PCLO: variants seen among roughly 807,000 people sequenced by gnomAD.
PCLO encodes the protein protein piccolo.
Under a neutral mutation model 427.5 loss-of-function variants are expected in PCLO, and 82 were observed. The observed-to-expected ratio is 0.19, with a 90% confidence interval of 0.16 to 0.23. The LOEUF is 0.23. Among genes scored for constraint, PCLO ranks in the 10% least tolerant of loss-of-function variants. The pLI is 1.00. For missense variants in PCLO, 6,239 were observed against 6,115.9 expected, an observed-to-expected ratio of 1.02 and a Z score of -0.67; for synonymous variants, 2,357 against 2,155.4, an observed-to-expected ratio of 1.09 and a Z score of -2.59.
intron 3 of PCLO, among the ~76,000 whole-genome samples, chr7:83,130,532 AT>A (rs1373434037): frequency 6.6e-6 from 1 of 152,074 alleles, no homozygotes; most frequent in East Asian, 1.9e-4. Flanking sequence ...TTTTATCCTT[AT>A]TGATTTCTTC....
chr7:83,162,521 T>TG lies in PCLO; in HGVS notation c.71_72insC (p.Gly25ArgfsTer3). ...AGGGGCTCCCCGCCCCGCTAGCTCC[T>TG]CCTCCAGCCGCTGCGGCCGCCGCCA... On this transcript the variant is annotated frameshift_variant, in exon 1 of 25. Transcript: ENST00000333891. LOFTEE classifies it high-confidence loss of function. 1 of 1,558,046 alleles carries TG rather than the reference T, an allele frequency of 6.4e-7. No individual in the cohort carries two copies. The highest frequency in any genetic ancestry group is 8.7e-7 in the Non-Finnish European group (1 of 1,152,238).
At chr7:82,870,646 G>A (rs1411793682) in intron 10 of PCLO, among the ~76,000 whole-genome samples, 2 of 151,922 alleles carry the variant, frequency 1.3e-5, no homozygotes, top group African/African-American at 4.8e-5. Context: ...ACAAAGTGAA[G>A]AGACAACCTA....
chr7:83,034,151 C>T (rs1189216606), intron 3 of PCLO, among the ~76,000 whole-genome samples: 2 of 152,094 alleles, frequency 1.3e-5, no homozygotes, highest in African/African-American at 4.8e-5. Flanking sequence ...TCAGAAAACA[C>T]ATAGAAAAAT....
intron 3 of PCLO, among the ~76,000 whole-genome samples, chr7:83,070,389 T>G (rs1330192092): frequency 3.9e-5 from 2 of 50,982 alleles, no homozygotes; most frequent in Non-Finnish European, 6.6e-5. Flanking sequence ...CGTTTTGTGG[T>G]TTTTTTTTTT....
intron 8 of PCLO, among the ~76,000 whole-genome samples, chr7:82,906,055 G>GT (rs1794184838): frequency 7.9e-6 from 1 of 127,162 alleles, no homozygotes; most frequent in South Asian, 2.7e-4. Flanking sequence ...AGATAGATAG[G>GT]TACACACACA....
chr7:82,955,634 A>C lies in PCLO; in HGVS notation c.5319T>G (p.Ser1773=). Residue 1773 remains serine, a synonymous_variant, in exon 5 of 25, where the codon TCT becomes TCG. Transcript: ENST00000333891. ...CCTCTCTCAATTCTTCTTCCTCTGAAGAATCTTCAATAGTAGGCAAAAGAG... is the reference window on the plus strand; with the variant it reads ...CCTCTCTCAATTCTTCTTCCTCTGACGAATCTTCAATAGTAGGCAAAAGAG... The part of the protein sequence containing the change: ...HGPLLPTIED[S]SEEEELREEE... 1 of 1,613,920 alleles carries C rather than the reference A, an allele frequency of 6.2e-7. No homozygotes were observed. Among genetic ancestry groups the C allele is most frequent in the Non-Finnish European group, 8.5e-7 (1 of 1,179,874 alleles).
intron 13 of PCLO, among the ~76,000 whole-genome samples, chr7:82,842,932 G>A (rs761193842): frequency 3.9e-5 from 6 of 152,090 alleles, no homozygotes; most frequent in Non-Finnish European, 8.8e-5. Flanking sequence ...TGGAGAAAGG[G>A]AACCCTTGTA....
intron 20 of PCLO, among the ~76,000 whole-genome samples, chr7:82,816,216 T>A (rs569449019): frequency 6.6e-6 from 1 of 152,268 alleles, no homozygotes; most frequent in Non-Finnish European, 1.5e-5. Flanking sequence ...TACATGTGGA[T>A]GAAAAGTGGA....
intron 6 of PCLO, among the ~76,000 whole-genome samples, chr7:82,946,184 ATT>A (rs1795196726): frequency 6.6e-6 from 1 of 152,204 alleles, no homozygotes; most frequent in African/African-American, 2.4e-5. Context: ...CTAAGATTTC[ATT>A]GTCCAAGTAC....
At chr7:82,791,843 T>A (rs924579297) in intron 22 of PCLO, among the ~76,000 whole-genome samples, 1 of 152,022 alleles carries the variant, frequency 6.6e-6, no homozygotes, top group Non-Finnish European at 1.5e-5. Context: ...TAATAAATTT[T>A]AAAAAATTTT....
chr7:82,874,869 A>G (rs961959148), intron 10 of PCLO, among the ~76,000 whole-genome samples: 3 of 152,212 alleles, frequency 2.0e-5, no homozygotes, highest in African/African-American at 7.2e-5. Context: ...ACAACATTGT[A>G]TACCATTGAA....
At chr7:83,060,111 C>G (rs779435618) in intron 3 of PCLO, among the ~76,000 whole-genome samples, 2 of 152,176 alleles carry the variant, frequency 1.3e-5, no homozygotes, top group Non-Finnish European at 2.9e-5. Flanking sequence ...CCCAGTAATT[C>G]CAGACTGCAG....
rs769409699 is a variant in PCLO, at chr7:82,951,115, C to T, written c.9473G>A (p.Gly3158Asp). 8.1e-6 allele frequency: 13 copies of T among 1,613,456 alleles called. No individual in the cohort carries two copies. In the East Asian group the frequency reaches 2.5e-4, roughly 30 times the overall value. Residue 3158 changes from glycine (G) to aspartate (D), a missense_variant, in exon 6 of 25, where the codon GGT becomes GAT. Gly to Asp is a moderately conservative substitution (Grantham distance 94, BLOSUM62 -1). Transcript: ENST00000333891. ...TTGCAAACTGGCACTGATATCAATA[C>T]CAGTTACTGCAATGTCCGTTTCAGA... is the stretch of plus-strand genomic sequence containing the variant. Reference protein sequence around the residue: ...GASETDIAVTGIDISASLQTI... With the variant: ...GASETDIAVTDIDISASLQTI...
intron 3 of PCLO, among the ~76,000 whole-genome samples, chr7:82,999,880 A>T (rs1343041364): frequency 7.9e-6 from 1 of 126,700 alleles, no homozygotes; most frequent in Non-Finnish European, 1.6e-5. Context: ...AATATATAAT[A>T]TTATATATAA....
chr7:82,936,435 C>G (rs1469654910), intron 6 of PCLO, among the ~76,000 whole-genome samples: 1 of 151,606 alleles, frequency 6.6e-6, no homozygotes, highest in Non-Finnish European at 1.5e-5. Context: ...CATCATCAGT[C>G]ATTAGAAGAA....
At chr7:83,108,761 T>G (rs1027135866) in intron 3 of PCLO, among the ~76,000 whole-genome samples, 2 of 140,450 alleles carry the variant, frequency 1.4e-5, no homozygotes, top group Admixed American at 1.4e-4. Flanking sequence ...TTATATAATG[T>G]AATTATATTA....
chr7:82,839,717 C>T (rs372592935), intron 14 of PCLO, among the ~76,000 whole-genome samples: 1 of 151,942 alleles, frequency 6.6e-6, no homozygotes, highest in Non-Finnish European at 1.5e-5. Context: ...GCAGGCCACC[C>T]GAAGAGAGTG....
chr7:83,062,398 C>A (rs551787908), intron 3 of PCLO, among the ~76,000 whole-genome samples: 13 of 152,088 alleles, frequency 8.5e-5, no homozygotes, highest in Non-Finnish European at 1.8e-4. Context: ...AGGGAAGGAG[C>A]TAATCATTTG....
chr7:82,760,841 A>C (rs1790416169), intron 23 of PCLO, 57 bp from the exon 24 acceptor site: 1 of 986,678 alleles, frequency 1.0e-6, no homozygotes, highest in African/African-American at 1.7e-5. Flanking sequence ...TTCTATTGAA[A>C]GAATTATAAC....
Sources: allele counts gnomAD v4.1 joint callset (sites outside exome capture counted in the v4.1 genomes callset), GRCh38; gene constraint gnomAD v4.1.1; transcripts MANE v1.5; gene names NCBI Gene and HGNC (gene_info 2026-07-23, HGNC 2026-07-21).